CNOT1: variants seen among roughly 807,000 people sequenced by gnomAD.
CNOT1 encodes CCR4-associated factor 1.
CNOT1 carries 15 observed loss-of-function variants against 273.8 expected under a neutral mutation model. That is an observed-to-expected ratio of 0.05 (90% CI 0.04 to 0.08). CNOT1 has a LOEUF of 0.08. Ranked by LOEUF, CNOT1 falls within the 10% of genes least tolerant of loss-of-function variation. The pLI is 1.00. For missense variants in CNOT1, 1,644 were observed against 2,912.2 expected (o/e 0.56, Z 10.02); for synonymous variants, 1,022 against 1,005.5 (o/e 1.02, Z -0.31).
intron 16 of CNOT1, among the ~76,000 whole-genome samples, chr16:58,570,512 G>T (rs1412238945): frequency 1.3e-5 from 2 of 152,164 alleles, no homozygotes; most frequent in African/African-American, 4.8e-5. Context: ...GGTGGCACAT[G>T]TTTGTGGTCC....
intron 39 of CNOT1, 95 bp from the exon 40 acceptor site, chr16:58,534,490 T>G (rs1458555563): frequency 7.7e-7 from 1 of 1,303,942 alleles, no homozygotes; most frequent in African/African-American, 1.5e-5. Flanking sequence ...ATATTCTCAT[T>G]TGTTCCTACT....
At chr16:58,580,050 AAAT>A (rs2041601565) in intron 12 of CNOT1, among the ~76,000 whole-genome samples, 1 of 152,100 alleles carries the variant, frequency 6.6e-6, no homozygotes, top group Non-Finnish European at 1.5e-5. Context: ...TCTCTACTAA[AAAT>A]ATAAAACTTA....
At position 58,582,749 on chromosome 16, in the gene CNOT1, C is replaced by T. The variant is rs775078001; in HGVS notation, c.1044+44G>A. On this transcript the variant is annotated intron_variant, in intron 10 of 48. Transcript: ENST00000317147. ...AAAATTTGCTTTCTTTGGACTATATCATTCAAATACCACAAATCAAAAATC... is the reference window on the plus strand; with the variant it reads ...AAAATTTGCTTTCTTTGGACTATATTATTCAAATACCACAAATCAAAAATC... 21 of 1,129,646 alleles carry T rather than the reference C, an allele frequency of 1.9e-5. No individual in the cohort carries two copies. The East Asian group carries it at 4.9e-4, about 27-fold the overall frequency. The allele number at this position is 1,129,646 out of a possible 1,614,324, so 70.0% of individuals were successfully genotyped here.
At chr16:58,624,374 C>T (rs1008114372) in intron 1 of CNOT1, among the ~76,000 whole-genome samples, 11 of 152,160 alleles carry the variant, frequency 7.2e-5, no homozygotes, top group South Asian at 4.1e-4. Context: ...ATGGTTGCAA[C>T]GTATTCAACA....
rs17415780 is a variant in CNOT1 at position 58,567,134 on chromosome 16, T to C, written c.1980-6772A>G. Among the ~76,000 whole-genome samples the C allele has an allele frequency of 1.6e-3, 246 of 151,684 alleles. 1 individual carries two copies. Among genetic ancestry groups the C allele is most frequent in the African/African-American group, 5.7e-3 (234 of 41,346 alleles). ...TGTGAACATGCACTGTACTTCAGAC[T>C]GTACAACAACACAGTAAGACCTCAT... On this transcript the variant is annotated intron_variant, in intron 16 of 48. Coordinates refer to ENST00000317147, the MANE Select transcript of CNOT1 (RefSeq NM_016284.5).
rs147628266 is a variant in CNOT1, at chr16:58,578,269, C to T, written c.1584+430G>A. ...AGGAGTTTGAGACTATCCTGGCCAA[C>T]ATGGTGAAATCCCACTTCTATTAAG... On this transcript the variant is annotated intron_variant, in intron 13 of 48. Coordinates refer to ENST00000317147, the MANE Select transcript of CNOT1 (RefSeq NM_016284.5). Among the ~76,000 whole-genome samples the T allele has an allele frequency of 1.2e-3, 184 of 152,086 alleles. 1 individual carries two copies. Among genetic ancestry groups the T allele is most frequent in the African/African-American group, 4.3e-3 (178 of 41,478 alleles).
At chr16:58,618,290 TAA>T (rs943447813) in intron 1 of CNOT1, among the ~76,000 whole-genome samples, 4 of 151,506 alleles carry the variant, frequency 2.6e-5, no homozygotes, top group Non-Finnish European at 4.4e-5. Flanking sequence ...AAAAATTAAT[TAA>T]AAAGAGTTTG....
intron 16 of CNOT1, among the ~76,000 whole-genome samples, chr16:58,568,367 T>G (rs577744867): frequency 8.6e-6 from 1 of 115,622 alleles, no homozygotes; most frequent in African/African-American, 3.1e-5. Flanking sequence ...AAACTCCATC[T>G]CAAGAAAAAA....
chr16:58,532,940 TCCAGGAACTCCA>T (rs2039815608), intron 40 of CNOT1: 1 of 155,006 alleles, frequency 6.5e-6, no homozygotes, highest in South Asian at 2.0e-4. Flanking sequence ...TATTCAAATT[TCCAGGAACTCCA>T]CTGTGTAAAT....
intron 1 of CNOT1, among the ~76,000 whole-genome samples, chr16:58,607,492 C>G (rs2042720721): frequency 6.6e-6 from 1 of 151,824 alleles, no homozygotes; most frequent in African/African-American, 2.4e-5. Context: ...CTTCGGGAGG[C>G]CAAGGCAGGC....
At chr16:58,606,765 T>C (rs142271385) in intron 1 of CNOT1, among the ~76,000 whole-genome samples, 4 of 151,610 alleles carry the variant, frequency 2.6e-5, no homozygotes, top group South Asian at 2.1e-4. Context: ...GATCAAACCA[T>C]TGCACTCTAG....
chr16:58,580,843 A>G (rs952030988), intron 11 of CNOT1, 83 bp from the exon 12 acceptor site: 27 of 1,305,348 alleles, frequency 2.1e-5, no homozygotes, highest in Non-Finnish European at 2.7e-5. Context: ...GCTATTGTCA[A>G]TCTTAAGGTT....
intron 44 of CNOT1, 49 bp from the exon 45 acceptor site, chr16:58,526,187 T>C: frequency 6.2e-7 from 1 of 1,602,668 alleles, no homozygotes. Context: ...TTTTTATTAG[T>C]AAATTACATC....
chr16:58,521,190 T>C lies in CNOT1; in HGVS notation c.7045A>G (p.Ile2349Val). The change falls in exon 48 of 49, where the codon ATC (isoleucine) becomes GTC (valine). Residue 2349 changes from isoleucine (I) to valine (V), a missense_variant. By Grantham distance (29) the Ile-to-Val change is conservative. Transcript: ENST00000317147. Reference sequence around the variant, plus strand: ...AAATTACTTTGAACTCACTTTTCGATTTCTGGGGCACAGTGTACAAATTCA... The same window carrying C: ...AAATTACTTTGAACTCACTTTTCGACTTCTGGGGCACAGTGTACAAATTCA... ...NHEFVHCAPE[I>V]EKLFQSVAQC... 2 of 1,613,364 alleles carry C rather than the reference T, an allele frequency of 1.2e-6. No homozygotes were observed.
rs749396383 is a variant in CNOT1, at chr16:58,530,352, A to C, written c.6178-5T>G. ...CTGTGCATACATAGGCCACCCCTGA[A>C]AGAAAGAAATGTACATGAGTCATAA... On this transcript the variant is annotated splice_region_variant and splice_polypyrimidine_tract_variant and intron_variant, in intron 42 of 48. Coordinates refer to ENST00000317147, the MANE Select transcript of CNOT1 (RefSeq NM_016284.5). 10 of 1,602,174 alleles carry C rather than the reference A, an allele frequency of 6.2e-6. No homozygotes were observed. The highest frequency in any genetic ancestry group is 3.4e-5 in the Admixed American group (2 of 59,214).
At chr16:58,543,981 A>G (rs541364291) in intron 30 of CNOT1, 78 bp from the exon 31 acceptor site, 1 of 1,487,458 alleles carries the variant, frequency 6.7e-7, no homozygotes, top group South Asian at 1.4e-5. Context: ...CACATTCATG[A>G]TTTTGTAAAT....
At chr16:58,569,109 AAC>A (rs1206346051) in intron 16 of CNOT1, among the ~76,000 whole-genome samples, 4 of 152,164 alleles carry the variant, frequency 2.6e-5, no homozygotes, top group African/African-American at 9.7e-5. Context: ...TCAGTTACCA[AAC>A]ACATTTATTT....
At chr16:58,527,440 T>C (rs1597397159) in intron 44 of CNOT1, among the ~76,000 whole-genome samples, 1 of 151,652 alleles carries the variant, frequency 6.6e-6, no homozygotes, top group Non-Finnish European at 1.5e-5. Flanking sequence ...GGCAGGAGAA[T>C]CACTGGACCC....
rs769948185 is a variant in CNOT1, at chr16:58,580,622, A to G, written c.1343+11T>C. ...TAATCTTTTAAATGAAAGATGAATCAAAGTGTTTACCATGTGGCAATTTCT... is the reference window on the plus strand; with the variant it reads ...TAATCTTTTAAATGAAAGATGAATCGAAGTGTTTACCATGTGGCAATTTCT... On this transcript the variant is annotated intron_variant, in intron 12 of 48. Transcript: ENST00000317147. The G allele has an allele frequency of 3.8e-6, 6 of 1,599,908 alleles. No homozygotes were observed. The Middle Eastern group carries it at 5.0e-4, about 134-fold the overall frequency.
Sources: allele counts gnomAD v4.1 joint callset (sites outside exome capture counted in the v4.1 genomes callset), GRCh38; gene constraint gnomAD v4.1.1; transcripts MANE v1.5; gene names NCBI Gene and HGNC (gene_info 2026-07-23, HGNC 2026-07-21).